CALHM4: variants seen among roughly 807,000 people sequenced by gnomAD.
The protein encoded by CALHM4 is calcium homeostasis modulator family member 4.
A neutral mutation model predicts 13.3 loss-of-function variants in CALHM4; 16 were observed. The ratio of observed to expected loss-of-function variants is 1.20; its 90% CI spans 0.81 to 1.82. CALHM4 has a LOEUF of 1.82. CALHM4 is among the 40% of genes most tolerant of loss of function. The probability of loss-of-function intolerance (pLI) is 0.00; values close to 1 mark genes in which losing one functional copy is unlikely to be tolerated. For missense variants in CALHM4, 344 were observed against 374.9 expected, an observed-to-expected ratio of 0.92 and a Z score of 0.68; for synonymous variants, 127 against 137.1, an observed-to-expected ratio of 0.93 and a Z score of 0.52.
At chr6:116,551,073 T>C (rs1039580421), upstream of CALHM4, among the ~76,000 whole-genome samples, 1 of 152,230 alleles carries the variant, frequency 6.6e-6, no homozygotes, top group African/African-American at 2.4e-5. Context: ...TTCCCTGCCC[T>C]GCCTTGCCTT....
chr6:116,550,558 T>A (rs1037954394), upstream of CALHM4, among the ~76,000 whole-genome samples: 4 of 152,198 alleles, frequency 2.6e-5, no homozygotes, highest in African/African-American at 9.6e-5. Context: ...TATCAGTAAC[T>A]GTTAGCTGTT....
At chr6:116,542,375 T>G (rs1014108075) in intron 1 of CALHM4, among the ~76,000 whole-genome samples, 1 of 152,092 alleles carries the variant, frequency 6.6e-6, no homozygotes, top group Non-Finnish European at 1.5e-5. Context: ...AGAAGAAAAA[T>G]GAGAGTTTTT....
chr6:116,560,584 C>A lies in CALHM4; in HGVS notation c.*2373C>A, dbSNP rs1430494392. On this transcript the variant is annotated 3_prime_UTR_variant, in exon 2 of 2. Coordinates refer to ENST00000368596, the MANE Select transcript of CALHM4 (RefSeq NM_001366078.2). ...GTGAACATTTAAAAGGTAGTACACA[C>A]CCCTGGGATTTCATCTTACAGTACA... is the stretch of plus-strand genomic sequence containing the variant. 2.7e-5 allele frequency among the ~76,000 whole-genome samples: 4 copies of A among 149,382 alleles called. No individual in the cohort carries two copies. Among genetic ancestry groups the A allele is most frequent in the Non-Finnish European group, 5.9e-5 (4 of 67,666 alleles).
intron 1 of CALHM4, chr6:116,540,412 C>CAGG: frequency 6.4e-7 from 1 of 1,551,326 alleles, no homozygotes; most frequent in African/African-American, 1.4e-5. Flanking sequence ...TCTTCCCACG[C>CAGG]AGGATCGAGC....
intron 1 of CALHM4, among the ~76,000 whole-genome samples, chr6:116,534,108 GTT>G (rs34484876): frequency 1.3e-5 from 2 of 149,996 alleles, no homozygotes; most frequent in South Asian, 2.1e-4. Context: ...TCTGTAGTGC[GTT>G]TTTTTTTTCC....
chr6:116,547,776 C>A (rs1470578020), intron 2 of CALHM4, among the ~76,000 whole-genome samples: 2 of 152,196 alleles, frequency 1.3e-5, no homozygotes, highest in African/African-American at 4.8e-5. Flanking sequence ...AATGCATAAG[C>A]AAAGTTTTTC....
upstream of CALHM4, among the ~76,000 whole-genome samples, chr6:116,549,378 T>G (rs1773947404): frequency 6.6e-6 from 1 of 152,186 alleles, no homozygotes; most frequent in African/African-American, 2.4e-5. Flanking sequence ...CATGTCACTA[T>G]ATACACTTCA....
At chr6:116,553,550 A>G (rs1448258338), upstream of CALHM4, among the ~76,000 whole-genome samples, 1 of 152,204 alleles carries the variant, frequency 6.6e-6, no homozygotes, top group African/African-American at 2.4e-5. Context: ...AGTTAAAAAA[A>G]AGAAACTCCC....
chr6:116,543,863 C>G lies in CALHM4; in HGVS notation c.-10C>G, dbSNP rs1334744594. ...ACCTTCAGGATAAACCCAAATGTAGCAGCAAATTTGTGAGTTTCTTTTCTT... is the reference window on the plus strand; with the variant it reads ...ACCTTCAGGATAAACCCAAATGTAGGAGCAAATTTGTGAGTTTCTTTTCTT... On this transcript the variant is annotated 5_prime_UTR_variant, in exon 2 of 3. Coordinates refer to the CALHM4 transcript ENST00000368597. 3 of 1,533,096 alleles carry G rather than the reference C, an allele frequency of 2.0e-6. No individual in the cohort carries two copies. In the South Asian group the frequency reaches 3.6e-5, roughly 18 times the overall value. 95.0% of individuals were successfully genotyped at this position (1,533,096 alleles called of 1,614,324 possible).
chr6:116,553,002 A>G (rs1014175328), upstream of CALHM4, among the ~76,000 whole-genome samples: 4 of 152,306 alleles, frequency 2.6e-5, no homozygotes, highest in African/African-American at 4.8e-5. Flanking sequence ...TGAACCCGGG[A>G]GGCGGAGCTT....
chr6:116,540,547 A>T, intron 1 of CALHM4: 1 of 1,354,618 alleles, frequency 7.4e-7, no homozygotes. Context: ...TTGTGTGTTT[A>T]GCACTTGTGC....
chr6:116,557,025 C>T (rs866991898), intron 1 of CALHM4, among the ~76,000 whole-genome samples: 6 of 147,320 alleles, frequency 4.1e-5, no homozygotes, highest in African/African-American at 1.5e-4. Context: ...GCAACTTCTG[C>T]CTTCTGGGTT....
At chr6:116,555,238 T>G (rs922827823) in intron 1 of CALHM4, among the ~76,000 whole-genome samples, 1 of 152,224 alleles carries the variant, frequency 6.6e-6, no homozygotes, top group African/African-American at 2.4e-5. Flanking sequence ...AGATATGCTC[T>G]GTCTTAACTT....
upstream of CALHM4, among the ~76,000 whole-genome samples, chr6:116,550,281 A>T (rs528915847): frequency 1.3e-5 from 2 of 152,026 alleles, no homozygotes; most frequent in Non-Finnish European, 2.9e-5. Context: ...CGTAAGCAGC[A>T]TGACTCTATT....
intron 2 of CALHM4, among the ~76,000 whole-genome samples, chr6:116,548,480 A>C (rs1186723694): frequency 6.6e-6 from 1 of 152,256 alleles, no homozygotes; most frequent in Non-Finnish European, 1.5e-5. Context: ...ACAGTAAGCA[A>C]TAGTAAAACT....
chr6:116,554,728 C>T (rs912369448), intron 1 of CALHM4, among the ~76,000 whole-genome samples: 1 of 151,964 alleles, frequency 6.6e-6, no homozygotes. Context: ...ATTATTATTG[C>T]TATATTAGTA....
At chr6:116,555,554 T>TC (rs5879381) in intron 1 of CALHM4, among the ~76,000 whole-genome samples, 101,033 of 151,964 alleles carry the variant, frequency 0.66, 33,841 homozygotes, top group East Asian at 0.89. Context: ...ATATCTTAAT[T>TC]TAGTCCTGAT....
intron 1 of CALHM4, among the ~76,000 whole-genome samples, chr6:116,529,543 G>C (rs1772571804): frequency 1.3e-5 from 2 of 152,170 alleles, no homozygotes; most frequent in African/African-American, 4.8e-5. Flanking sequence ...GATTGGAGCT[G>C]AGTGGAAGTT....
chr6:116,540,396 A>G, intron 1 of CALHM4: 1 of 1,551,350 alleles, frequency 6.4e-7, no homozygotes, highest in Non-Finnish European at 8.7e-7. Context: ...CTGAATAACT[A>G]TGGCATCTTC....
Sources: gnomAD v4.1 joint callset for allele counts (sites outside exome capture counted in the v4.1 genomes callset) on GRCh38, gnomAD v4.1.1 for gene constraint, MANE v1.5 for transcripts, NCBI Gene and HGNC (gene_info 2026-07-23, HGNC 2026-07-21) for gene names.